The following HAUS8 variants were observed in gnomAD, a reference collection of about 807,000 sequenced individuals.
HAUS8 encodes the protein HAUS augmin like complex subunit 8.
HAUS8 carries 38 observed loss-of-function variants against 42.9 expected under a neutral mutation model. The observed-to-expected ratio is 0.89, with a 90% CI of 0.68 to 1.16. HAUS8 has a LOEUF of 1.16. Ranked by LOEUF, HAUS8 falls within the 50% of genes most tolerant of loss-of-function variation. The probability of loss-of-function intolerance (pLI) is 0.00; values close to 1 mark genes in which losing one functional copy is unlikely to be tolerated. For synonymous variants in HAUS8, 199 were observed against 205.8 expected (o/e 0.97, Z 0.28); for missense variants, 494 against 511.6 (o/e 0.97, Z 0.33).
chr19:17,050,091 C>T lies in HAUS8; in HGVS notation c.1015G>A (p.Gly339Ser). The change falls in exon 11 of 11, where the codon GGC becomes AGC. Residue 339 changes from glycine (G) to serine (S), a missense_variant. Physicochemically the swap from Gly to Ser is moderately conservative, Grantham distance 56. Coordinates refer to ENST00000253669, the MANE Select transcript of HAUS8 (RefSeq NM_033417.2). ...TACCACCGGCTGGGGGGCGCCATGC[C>T]CTGGGTCTCTTCCCAGACTTCCTGG... Reference protein sequence around the residue: ...ANQEVWEETQGMAPPSRWYFN... With the variant: ...ANQEVWEETQSMAPPSRWYFN... The T allele has an allele frequency of 6.2e-7, 1 of 1,600,824 alleles. No homozygotes were observed. Among genetic ancestry groups the T allele is most frequent in the Non-Finnish European group, 8.5e-7 (1 of 1,173,676 alleles).
At chr19:17,064,721 C>G (rs1286190771) in intron 3 of HAUS8, among the ~76,000 whole-genome samples, 3 of 152,328 alleles carry the variant, frequency 2.0e-5, no homozygotes, top group East Asian at 3.9e-4. Flanking sequence ...AACTAACTCA[C>G]AGACTTAAAA....
chr19:17,073,219 G>A, intron 2 of HAUS8, 55 bp downstream of exon 2: 1 of 1,488,266 alleles, frequency 6.7e-7, no homozygotes, highest in Non-Finnish European at 9.4e-7. Flanking sequence ...TCCTCCAAAA[G>A]CACGTAATGA....
intron 3 of HAUS8, among the ~76,000 whole-genome samples, chr19:17,067,289 G>A (rs188894237): frequency 5.3e-5 from 8 of 152,106 alleles, no homozygotes; most frequent in Admixed American, 4.6e-4. Context: ...TAAGTGTCAG[G>A]AGTCAGAGGC....
At chr19:17,060,422 T>C (rs947489539) in intron 4 of HAUS8, among the ~76,000 whole-genome samples, 26 of 152,200 alleles carry the variant, frequency 1.7e-4, no homozygotes, top group Non-Finnish European at 3.7e-4. Context: ...TTCCACCTTT[T>C]TTGTTTTTGA....
In HAUS8 at chr19:17,059,539, C is replaced by T. The variant is rs777868819; in HGVS notation, c.420+18G>A. On this transcript the variant is annotated intron_variant, in intron 6 of 10. Coordinates refer to ENST00000253669, the MANE Select transcript of HAUS8 (RefSeq NM_033417.2). ...TATGCAACCCATCTGTGGCTGCCCT[C>T]TTCTTTCAGACACTTACCGGGCTCT... 6.3e-7 allele frequency: 1 copy of T among 1,580,104 alleles called. No homozygotes were observed. The highest frequency in any genetic ancestry group is 8.7e-7 in the Non-Finnish European group (1 of 1,149,764).
In HAUS8 at chr19:17,055,157, T is replaced by A. The variant is rs868533503; in HGVS notation, c.787+704A>T. On this transcript the variant is annotated intron_variant, in intron 9 of 10. Transcript: ENST00000253669. ...AAAAAAAAAAAAATATATATATATATATATATATATATATATATATATATA... is the reference window on the plus strand; with the variant it reads ...AAAAAAAAAAAAATATATATATATAAATATATATATATATATATATATATA... 3.0e-3 allele frequency: 61 copies of A among 20,090 alleles called. 1 individual carries two copies. Among genetic ancestry groups the A allele is most frequent in the Admixed American group, 5.0e-3 (6 of 1,192 alleles). 1.2% of individuals were successfully genotyped at this position (20,090 alleles called of 1,614,324 possible).
At chr19:17,070,442 T>C (rs2057414704) in intron 2 of HAUS8, among the ~76,000 whole-genome samples, 1 of 152,224 alleles carries the variant, frequency 6.6e-6, no homozygotes, top group Non-Finnish European at 1.5e-5. Context: ...TTCTGGACCC[T>C]GTGCCACCAA....
intron 2 of HAUS8, among the ~76,000 whole-genome samples, chr19:17,072,338 CTTTTTTTTTTT>C (rs71180355): frequency 4.6e-5 from 4 of 87,546 alleles, no homozygotes; most frequent in Non-Finnish European, 6.2e-5. Flanking sequence ...CGAGCATTTC[CTTTTTTTTTTT>C]TTTTTTTTTT....
chr19:17,054,604 C>T (rs1022668229), intron 9 of HAUS8, among the ~76,000 whole-genome samples: 1 of 152,022 alleles, frequency 6.6e-6, no homozygotes, highest in Non-Finnish European at 1.5e-5. Flanking sequence ...GAGTTTAAGA[C>T]CAGCCTGACC....
At chr19:17,073,631 C>T (rs1263564678) in intron 1 of HAUS8, 11 of 424,408 alleles carry the variant, frequency 2.6e-5, no homozygotes, top group Non-Finnish European at 4.4e-5. Flanking sequence ...ATTCATTCAC[C>T]AGACATTGAT....
intron 3 of HAUS8, among the ~76,000 whole-genome samples, chr19:17,066,179 C>T (rs1053375221): frequency 1.3e-5 from 2 of 151,972 alleles, no homozygotes; most frequent in Non-Finnish European, 2.9e-5. Context: ...GCCTCAAACT[C>T]AGGCTCAAGC....
At chr19:17,073,397 C>T (rs1460615399) in intron 1 of HAUS8, 62 bp from the exon 2 acceptor site, 6 of 1,475,840 alleles carry the variant, frequency 4.1e-6, no homozygotes, top group Admixed American at 1.7e-5. Flanking sequence ...GGGAAGCCGG[C>T]GAGGTGCCTC....
At chr19:17,061,084 T>C (rs1294286751) in intron 4 of HAUS8, among the ~76,000 whole-genome samples, 1 of 151,960 alleles carries the variant, frequency 6.6e-6, no homozygotes, top group Non-Finnish European at 1.5e-5. Context: ...TGAGAGCACA[T>C]GCCCTCAGGG....
intron 4 of HAUS8, among the ~76,000 whole-genome samples, chr19:17,061,001 T>C (rs1309721681): frequency 6.6e-6 from 1 of 152,212 alleles, no homozygotes; most frequent in East Asian, 1.9e-4. Context: ...CACTGCAATG[T>C]GTAGGGTACA....
intron 3 of HAUS8, among the ~76,000 whole-genome samples, chr19:17,068,647 G>A (rs530804074): frequency 3.3e-5 from 5 of 152,122 alleles, no homozygotes; most frequent in East Asian, 1.9e-4. Flanking sequence ...CACGCCTTTC[G>A]TCCCAGTTAC....
intron 6 of HAUS8, 45 bp from the exon 7 acceptor site, chr19:17,058,921 T>C (rs567865963): frequency 1.3e-6 from 2 of 1,502,588 alleles, no homozygotes; most frequent in Non-Finnish European, 1.8e-6. Context: ...TGAAGTGGTA[T>C]AAATCCAGCT....
At chr19:17,063,076 G>A (rs2057370168) in intron 3 of HAUS8, among the ~76,000 whole-genome samples, 1 of 152,186 alleles carries the variant, frequency 6.6e-6, no homozygotes. Flanking sequence ...TAGTTTTCCA[G>A]AGAGAACATA....
intron 3 of HAUS8, among the ~76,000 whole-genome samples, chr19:17,066,384 T>C (rs2057387321): frequency 1.3e-5 from 2 of 152,186 alleles, no homozygotes; most frequent in Admixed American, 1.3e-4. Flanking sequence ...CCACCACACT[T>C]GGCTCCATCT....
chr19:17,068,147 T>C (rs1034045287), intron 3 of HAUS8, among the ~76,000 whole-genome samples: 2 of 141,274 alleles, frequency 1.4e-5, no homozygotes, highest in Non-Finnish European at 3.0e-5. Context: ...AGGGTCTCGC[T>C]CTGTCGCCAA....
Sources: gnomAD v4.1 joint callset for allele counts (sites outside exome capture counted in the v4.1 genomes callset) on GRCh38, gnomAD v4.1.1 for gene constraint, MANE v1.5 for transcripts, NCBI Gene and HGNC (gene_info 2026-07-23, HGNC 2026-07-21) for gene names.